CCSER1: variants seen among roughly 807,000 people sequenced by gnomAD.
The protein encoded by CCSER1 is serine-rich coiled-coil domain-containing protein 1.
A neutral mutation model predicts 82.0 loss-of-function variants in CCSER1; 41 were observed. The ratio of observed to expected loss-of-function variants is 0.50; its 90% CI spans 0.39 to 0.65. The LOEUF (loss-of-function observed/expected upper bound fraction) is 0.65. CCSER1 is among the 30% of genes least tolerant of loss of function. CCSER1 has a pLI of 0.00. For synonymous variants in CCSER1, 414 were observed against 383.9 expected (o/e 1.08, Z -0.92); for missense variants, 1,119 against 1,064.2 (o/e 1.05, Z -0.72).
intron 8 of CCSER1, among the ~76,000 whole-genome samples, chr4:90,864,468 A>G (rs1420778926): frequency 2.0e-5 from 3 of 151,914 alleles, no homozygotes; most frequent in Non-Finnish European, 2.9e-5. Context: ...TAGTTTTCTT[A>G]TACTATCTCT....
chr4:90,480,586 T>G (rs1765788004), intron 5 of CCSER1, among the ~76,000 whole-genome samples: 1 of 152,210 alleles, frequency 6.6e-6, no homozygotes, highest in South Asian at 2.1e-4. Context: ...ACTTTCAACT[T>G]TCTCCATGTG....
chr4:90,551,709 T>TATAC (rs1179870415), intron 5 of CCSER1, among the ~76,000 whole-genome samples: 3 of 122,592 alleles, frequency 2.4e-5, no homozygotes, highest in Non-Finnish European at 5.1e-5. Context: ...TCTCTCTCTA[T>TATAC]ATATATATAT....
At chr4:90,811,969 C>CATATATATAT (rs34117865) in intron 7 of CCSER1, among the ~76,000 whole-genome samples, 1 of 131,828 alleles carries the variant, frequency 7.6e-6, no homozygotes, top group African/African-American at 2.9e-5. Flanking sequence ...TATATATACA[C>CATATATATAT]ATATATATAT....
chr4:91,156,897 A>G (rs907894557), intron 10 of CCSER1, among the ~76,000 whole-genome samples: 1 of 151,744 alleles, frequency 6.6e-6, no homozygotes, highest in Non-Finnish European at 1.5e-5. Flanking sequence ...ATTTCTTCTC[A>G]TTGGGACATA....
At chr4:90,514,923 T>G (rs552156346) in intron 5 of CCSER1, among the ~76,000 whole-genome samples, 2 of 151,542 alleles carry the variant, frequency 1.3e-5, no homozygotes, top group South Asian at 4.2e-4. Context: ...AGTGGCGTGC[T>G]CTTGGTTCAC....
intron 10 of CCSER1, among the ~76,000 whole-genome samples, chr4:91,480,231 G>T (rs1757833731): frequency 6.6e-6 from 1 of 152,138 alleles, no homozygotes; most frequent in South Asian, 2.1e-4. Flanking sequence ...ATAGCAGCAT[G>T]ATTTATAGTC....
intron 9 of CCSER1, among the ~76,000 whole-genome samples, chr4:91,083,571 A>G (rs1002840106): frequency 1.3e-5 from 2 of 152,166 alleles, no homozygotes; most frequent in African/African-American, 2.4e-5. Context: ...GTAAAATGAA[A>G]TAAAATAAAA....
chr4:90,296,020 C>A (rs1383995643), intron 1 of CCSER1, among the ~76,000 whole-genome samples: 1 of 151,982 alleles, frequency 6.6e-6, no homozygotes, highest in South Asian at 2.1e-4. Flanking sequence ...AAAACAACTG[C>A]TCTTTACTAA....
chr4:90,781,962 G>A (rs1204606687), intron 7 of CCSER1: 5 of 898,946 alleles, frequency 5.6e-6, no homozygotes, highest in African/African-American at 1.8e-5. Flanking sequence ...TTAAATGCCC[G>A]ATATAGGAAC....
At chr4:91,315,617 T>C (rs1400028489) in intron 10 of CCSER1, among the ~76,000 whole-genome samples, 1 of 152,002 alleles carries the variant, frequency 6.6e-6, no homozygotes, top group African/African-American at 2.4e-5. Context: ...GATTTATTTA[T>C]GCTAGTGGAA....
At chr4:90,603,041 C>T (rs1170058407) in intron 5 of CCSER1, among the ~76,000 whole-genome samples, 2 of 152,254 alleles carry the variant, frequency 1.3e-5, no homozygotes, top group East Asian at 3.9e-4. Context: ...GCTGTCAATG[C>T]CCTTTCTTCA....
intron 10 of CCSER1, among the ~76,000 whole-genome samples, chr4:91,109,934 C>T (rs1725948463): frequency 6.6e-6 from 1 of 151,998 alleles, no homozygotes; most frequent in South Asian, 2.1e-4. Context: ...TAAATTATCT[C>T]AAAACCAAAG....
chr4:91,209,884 C>T (rs571244462), intron 10 of CCSER1, among the ~76,000 whole-genome samples: 2 of 151,770 alleles, frequency 1.3e-5, no homozygotes, highest in East Asian at 3.9e-4. Flanking sequence ...CATACATATA[C>T]TCTATATTCT....
chr4:91,447,992 A>G (rs571028597), intron 10 of CCSER1, among the ~76,000 whole-genome samples: 28 of 152,058 alleles, frequency 1.8e-4, no homozygotes, highest in Non-Finnish European at 3.4e-4. Context: ...GAGTGTTCAT[A>G]TTACTTTCAG....
chr4:90,717,801 G>GTATA (rs1292073329), intron 6 of CCSER1, among the ~76,000 whole-genome samples: 1 of 149,478 alleles, frequency 6.7e-6, no homozygotes, highest in African/African-American at 2.5e-5. Context: ...ATATATATGT[G>GTATA]TATATATATG....
chr4:90,247,147 G>T (rs895641145), intron 1 of CCSER1, among the ~76,000 whole-genome samples: 2 of 152,106 alleles, frequency 1.3e-5, no homozygotes, highest in African/African-American at 4.8e-5. Flanking sequence ...CCTCAGAATG[G>T]CATATAATTT....
intron 10 of CCSER1, among the ~76,000 whole-genome samples, chr4:91,106,856 A>G (rs1421063038): frequency 6.6e-6 from 1 of 152,200 alleles, no homozygotes; most frequent in African/African-American, 2.4e-5. Context: ...ATAACTTCTA[A>G]TTATTGACAA....
At chr4:90,950,812 T>C (rs1451873399) in intron 9 of CCSER1, among the ~76,000 whole-genome samples, 1 of 152,106 alleles carries the variant, frequency 6.6e-6, no homozygotes, top group Non-Finnish European at 1.5e-5. Context: ...CTACATGTAA[T>C]TGGAGCAGAG....
rs1470321698 is a variant in CCSER1, at chr4:90,558,695, A to G, written c.1725-69330A>G. ...CTTTGTCTGAAAGGTAGGTAGTATT[A>G]CCCTTGTATAACTTAAATTGCAGAA... On this transcript the variant is annotated intron_variant, in intron 5 of 10. Coordinates refer to ENST00000509176, the MANE Select transcript of CCSER1 (RefSeq NM_001145065.2). Among the ~76,000 whole-genome samples, 3 of 152,138 alleles carry G rather than the reference A, an allele frequency of 2.0e-5. No individual in the cohort carries two copies. In the East Asian group the frequency reaches 5.8e-4, roughly 29 times the overall value.
Sources: gnomAD v4.1 joint callset for allele counts (sites outside exome capture counted in the v4.1 genomes callset) on GRCh38, gnomAD v4.1.1 for gene constraint, MANE v1.5 for transcripts, NCBI Gene and HGNC (gene_info 2026-07-23, HGNC 2026-07-21) for gene names.